The following MAGI1 variants were observed in gnomAD, a reference collection of about 807,000 sequenced individuals.
The protein encoded by MAGI1 is membrane-associated guanylate kinase, WW and PDZ domain-containing protein 1.
Under a neutral mutation model 139.9 loss-of-function variants are expected in MAGI1, and 58 were observed. The observed-to-expected ratio is 0.41, with a 90% confidence interval of 0.34 to 0.52. MAGI1 has a LOEUF of 0.52. Ranked by LOEUF, MAGI1 falls within the 20% of genes least tolerant of loss-of-function variation. The pLI, the probability that MAGI1 is intolerant of heterozygous loss-of-function variation, is 0.12. For synonymous variants in MAGI1, 812 were observed against 737.9 expected (o/e 1.10, Z -1.63); for missense variants, 1,874 against 1,901.6 (o/e 0.99, Z 0.27).
chr3:65,371,570 C>T (rs1941996842), intron 18 of MAGI1, among the ~76,000 whole-genome samples: 1 of 152,152 alleles, frequency 6.6e-6, no homozygotes, highest in Admixed American at 6.5e-5. Context: ...TAAAATAAGA[C>T]AACAATGAAG....
intron 10 of MAGI1, among the ~76,000 whole-genome samples, chr3:65,436,518 A>G (rs1436070670): frequency 2.0e-5 from 3 of 152,226 alleles, no homozygotes; most frequent in South Asian, 2.1e-4. Context: ...GTAAACATGC[A>G]TAAATACCAA....
chr3:65,366,485 A>T (rs559968198), intron 18 of MAGI1, among the ~76,000 whole-genome samples: 25 of 152,276 alleles, frequency 1.6e-4, no homozygotes, highest in African/African-American at 3.6e-4. Flanking sequence ...TTACTACACC[A>T]ATATGCCTGT....
At chr3:65,739,140 T>C (rs1053591098) in intron 1 of MAGI1, among the ~76,000 whole-genome samples, 2 of 152,364 alleles carry the variant, frequency 1.3e-5, no homozygotes, top group Admixed American at 1.3e-4. Flanking sequence ...TTATCTTAGC[T>C]TGATCTCCTG....
intron 1 of MAGI1, among the ~76,000 whole-genome samples, chr3:65,782,700 G>C (rs1204374375): frequency 6.8e-6 from 1 of 148,148 alleles, no homozygotes; most frequent in Non-Finnish European, 1.5e-5. Context: ...ATATACTGAA[G>C]GACTCTGTTT....
chr3:65,600,895 A>C (rs2082451969), intron 2 of MAGI1, among the ~76,000 whole-genome samples: 2 of 152,244 alleles, frequency 1.3e-5, no homozygotes, highest in African/African-American at 4.8e-5. Context: ...GGGCTAGACC[A>C]GTTCAAAACC....
chr3:65,922,247 C>T (rs1336715328), intron 1 of MAGI1, among the ~76,000 whole-genome samples: 1 of 152,106 alleles, frequency 6.6e-6, no homozygotes, highest in Non-Finnish European at 1.5e-5. Context: ...AGAGATAAAA[C>T]CTGGTATACC....
chr3:65,469,206 A>G (rs1403661622), intron 5 of MAGI1, among the ~76,000 whole-genome samples: 6 of 152,104 alleles, frequency 3.9e-5, no homozygotes, highest in Admixed American at 2.6e-4. Context: ...AATTTGCAAA[A>G]TTGAGATCCT....
At chr3:66,023,618 G>C (rs541364116) in intron 1 of MAGI1, among the ~76,000 whole-genome samples, 86 of 152,304 alleles carry the variant, frequency 5.6e-4, no homozygotes, top group African/African-American at 2.0e-3. Context: ...ATCATGTTCT[G>C]ACACTGTCCA....
intron 1 of MAGI1, among the ~76,000 whole-genome samples, chr3:65,706,492 T>C (rs190955612): frequency 3.3e-4 from 51 of 152,266 alleles, no homozygotes; most frequent in African/African-American, 1.1e-3. Context: ...GTGGTCTGAA[T>C]GGGAAACTGT....
intron 1 of MAGI1, among the ~76,000 whole-genome samples, chr3:65,877,839 G>A (rs2060175563): frequency 6.6e-6 from 1 of 152,164 alleles, no homozygotes; most frequent in Non-Finnish European, 1.5e-5. Context: ...CAGGCATGTG[G>A]CTCATGTCTG....
At chr3:65,970,557 T>C (rs1024290856) in intron 1 of MAGI1, among the ~76,000 whole-genome samples, 1 of 150,728 alleles carries the variant, frequency 6.6e-6, no homozygotes, top group Non-Finnish European at 1.5e-5. Flanking sequence ...AAGCTTAATA[T>C]GGTATGGTGG....
intron 2 of MAGI1, among the ~76,000 whole-genome samples, chr3:65,535,942 C>T (rs1410044561): frequency 6.6e-6 from 1 of 152,158 alleles, no homozygotes. Context: ...TAGAGTAAGA[C>T]ACTAGAATAA....
At chr3:65,394,559 T>C (rs1944230186) in intron 13 of MAGI1, among the ~76,000 whole-genome samples, 1 of 152,232 alleles carries the variant, frequency 6.6e-6, no homozygotes, top group South Asian at 2.1e-4. Flanking sequence ...CCTCATTCTA[T>C]GTTCCTTCTC....
chr3:65,999,157 C>A (rs1344046423), intron 1 of MAGI1, among the ~76,000 whole-genome samples: 2 of 152,100 alleles, frequency 1.3e-5, no homozygotes, highest in Non-Finnish European at 2.9e-5. Flanking sequence ...GTTTGCTGCA[C>A]CTATCAGCCA....
At chr3:65,666,728 A>T (rs1424558821) in intron 1 of MAGI1, among the ~76,000 whole-genome samples, 1 of 152,106 alleles carries the variant, frequency 6.6e-6, no homozygotes, top group Non-Finnish European at 1.5e-5. Context: ...AAAAGATGAA[A>T]CAACCTCCCC....
At chr3:65,541,224 G>A (rs1249036739) in intron 2 of MAGI1, among the ~76,000 whole-genome samples, 5 of 152,054 alleles carry the variant, frequency 3.3e-5, no homozygotes, top group Admixed American at 6.6e-5. Flanking sequence ...AAACCAGGAA[G>A]AAGTCGAATC....
At chr3:65,518,204 T>C (rs1320198962) in intron 2 of MAGI1, among the ~76,000 whole-genome samples, 2 of 152,172 alleles carry the variant, frequency 1.3e-5, no homozygotes, top group African/African-American at 2.4e-5. Context: ...AAGGCTTCTC[T>C]GACCCTAACT....
chr3:66,013,605 C>CA (rs1482526328), intron 1 of MAGI1, among the ~76,000 whole-genome samples: 1 of 151,092 alleles, frequency 6.6e-6, no homozygotes, highest in Non-Finnish European at 1.5e-5. Flanking sequence ...ACTAAAAATA[C>CA]AAAAAATTAG....
At chr3:65,647,169 T>C (rs1014053817) in intron 1 of MAGI1, among the ~76,000 whole-genome samples, 1 of 151,910 alleles carries the variant, frequency 6.6e-6, no homozygotes, top group Admixed American at 6.6e-5. Context: ...GCCAACAATA[T>C]GAAGCAAACA....
Sources: allele counts gnomAD v4.1 joint callset (sites outside exome capture counted in the v4.1 genomes callset), GRCh38; gene constraint gnomAD v4.1.1; transcripts MANE v1.5; gene names NCBI Gene and HGNC (gene_info 2026-07-23, HGNC 2026-07-21).